The following ZBTB46 variants were observed in gnomAD, a reference collection of about 807,000 sequenced individuals.
The protein encoded by ZBTB46 is zinc finger and BTB domain-containing protein 46.
A neutral mutation model predicts 44.1 loss-of-function variants in ZBTB46; 8 were observed. The observed-to-expected ratio is 0.18, with a 90% confidence interval of 0.11 to 0.33. The LOEUF (loss-of-function observed/expected upper bound fraction) is 0.33. Among genes scored for constraint, ZBTB46 ranks in the 10% least tolerant of loss-of-function variants. The pLI is 1.00. For missense variants in ZBTB46, 651 were observed against 847.7 expected (o/e 0.77, Z 2.88); for synonymous variants, 409 against 382.3 (o/e 1.07, Z -0.81).
At chr20:63,773,829 C>G (rs2092396923) in intron 3 of ZBTB46, among the ~76,000 whole-genome samples, 1 of 152,210 alleles carries the variant, frequency 6.6e-6, no homozygotes, top group Non-Finnish European at 1.5e-5. Context: ...GGCTGGCCGA[C>G]TGCAGGATGC....
chr20:63,774,565 C>T (rs1260004195), intron 3 of ZBTB46, among the ~76,000 whole-genome samples: 1 of 152,172 alleles, frequency 6.6e-6, no homozygotes, highest in African/African-American at 2.4e-5. Flanking sequence ...ACGGGAGGCG[C>T]CTCACTCACT....
intron 1 of ZBTB46, among the ~76,000 whole-genome samples, chr20:63,809,827 G>A (rs1181957498): frequency 6.6e-6 from 1 of 152,062 alleles, no homozygotes; most frequent in Admixed American, 6.6e-5. Flanking sequence ...GCCGGGCATG[G>A]TGGTGCACAC....
At chr20:63,802,025 C>T (rs1281943130) in intron 1 of ZBTB46, among the ~76,000 whole-genome samples, 1 of 152,160 alleles carries the variant, frequency 6.6e-6, no homozygotes, top group Non-Finnish European at 1.5e-5. Flanking sequence ...ACGGGTTGAA[C>T]CCCCCGCCCC....
intron 3 of ZBTB46, among the ~76,000 whole-genome samples, chr20:63,759,154 G>T (rs2092252110): frequency 6.6e-6 from 1 of 152,014 alleles, no homozygotes. Flanking sequence ...AGAGGTCTTT[G>T]CATATTTTTT....
At chr20:63,764,666 G>A (rs532565903) in intron 3 of ZBTB46, among the ~76,000 whole-genome samples, 160 of 150,194 alleles carry the variant, frequency 1.1e-3, no homozygotes, top group African/African-American at 3.7e-3. Flanking sequence ...GCAATGGCTC[G>A]ATCTCAGCTC....
chr20:63,763,149 T>A (rs947723215), intron 3 of ZBTB46, among the ~76,000 whole-genome samples: 1 of 152,236 alleles, frequency 6.6e-6, no homozygotes, highest in African/African-American at 2.4e-5. Flanking sequence ...TGTGAGCCAC[T>A]GTACCCAGCC....
chr20:63,761,170 T>C (rs1357284454), intron 3 of ZBTB46, among the ~76,000 whole-genome samples: 2 of 149,736 alleles, frequency 1.3e-5, no homozygotes, highest in African/African-American at 4.9e-5. Flanking sequence ...GGCTAATTTT[T>C]GTATTTTTAG....
chr20:63,750,858 C>T (rs926757604), intron 4 of ZBTB46, among the ~76,000 whole-genome samples: 1 of 151,694 alleles, frequency 6.6e-6, no homozygotes, highest in Non-Finnish European at 1.5e-5. Flanking sequence ...AGCTGTGTCA[C>T]GCCACTGCAC....
intron 1 of ZBTB46, among the ~76,000 whole-genome samples, chr20:63,820,768 G>A (rs1302282568): frequency 1.3e-5 from 2 of 151,302 alleles, no homozygotes; most frequent in African/African-American, 4.9e-5. Context: ...TCACACTGTT[G>A]CCCAGGCTGG....
intron 1 of ZBTB46, among the ~76,000 whole-genome samples, chr20:63,821,865 G>A (rs746107974): frequency 4.6e-5 from 7 of 152,274 alleles, no homozygotes; most frequent in Middle Eastern, 3.4e-3. Context: ...AGGAAGCACC[G>A]AGGCGGTTTT....
chr20:63,832,087 G>C (rs943604264), upstream of ZBTB46, among the ~76,000 whole-genome samples: 2 of 151,764 alleles, frequency 1.3e-5, no homozygotes, highest in Non-Finnish European at 2.9e-5. The surrounding 1 kb of genome is among the most constrained non-coding windows in gnomAD (Gnocchi z 5.0). Flanking sequence ...TGTTGTCTGC[G>C]GGGGACGAAT....
chr20:63,796,998 GGTTTTT>G (rs985081185), intron 1 of ZBTB46, among the ~76,000 whole-genome samples: 51 of 152,158 alleles, frequency 3.4e-4, no homozygotes, highest in Non-Finnish European at 3.2e-4. Flanking sequence ...GGTGAAACCC[GGTTTTT>G]GTTTTTGTTT....
chr20:63,786,745 T>C (rs532272690), intron 2 of ZBTB46, among the ~76,000 whole-genome samples: 25 of 152,204 alleles, frequency 1.6e-4, no homozygotes, highest in South Asian at 4.2e-4. Context: ...CTCCTGACCT[T>C]GTGATCCGCC....
At chr20:63,822,886 A>C (rs924450653) in intron 1 of ZBTB46, among the ~76,000 whole-genome samples, 1 of 128,520 alleles carries the variant, frequency 7.8e-6, no homozygotes, top group African/African-American at 3.1e-5. Context: ...AAAAGTCGGG[A>C]GCGGTGGCAC....
At chr20:63,770,852 T>C (rs944673061) in intron 3 of ZBTB46, among the ~76,000 whole-genome samples, 1 of 151,780 alleles carries the variant, frequency 6.6e-6, no homozygotes, top group Non-Finnish European at 1.5e-5. Context: ...CACGGGGAGG[T>C]ACACTCGACA....
At position 63,748,464 on chromosome 20, in the gene ZBTB46, G is replaced by A. The variant is rs952293570; in HGVS notation, c.1399-1163C>T. On this transcript the variant is annotated intron_variant, in intron 4 of 4. Coordinates refer to ENST00000245663, the MANE Select transcript of ZBTB46 (RefSeq NM_001369741.1). ...CAGACATGGCCAGGGATGGGGAGAG[G>A]TGGCCCTTGTACCCACTCACGGGCA... 7.9e-5 allele frequency among the ~76,000 whole-genome samples: 12 copies of A among 152,224 alleles called. No homozygotes were observed. The South Asian group carries it at 1.7e-3, about 21-fold the overall frequency.
intron 1 of ZBTB46, among the ~76,000 whole-genome samples, chr20:63,806,555 G>A (rs2092682820): frequency 1.3e-5 from 2 of 152,074 alleles, no homozygotes; most frequent in African/African-American, 4.8e-5. Flanking sequence ...AAATAAGAAG[G>A]TTGTAATACC....
At chr20:63,806,880 T>C (rs898392385) in intron 1 of ZBTB46, among the ~76,000 whole-genome samples, 1 of 152,098 alleles carries the variant, frequency 6.6e-6, no homozygotes, top group Non-Finnish European at 1.5e-5. Flanking sequence ...CCTCCCAGGT[T>C]CACGCCATTC....
chr20:63,792,586 C>T (rs1052023028), intron 1 of ZBTB46, among the ~76,000 whole-genome samples: 3 of 152,014 alleles, frequency 2.0e-5, no homozygotes, highest in African/African-American at 7.2e-5. Flanking sequence ...GTTTGATCTC[C>T]GCTCACTGCA....
Sources: gnomAD v4.1 joint callset for allele counts (sites outside exome capture counted in the v4.1 genomes callset) on GRCh38, gnomAD v4.1.1 for gene constraint, Gnocchi (gnomAD v3.1) non-coding constraint, MANE v1.5 for transcripts, NCBI Gene and HGNC (gene_info 2026-07-23, HGNC 2026-07-21) for gene names.